The following RAPGEF6 variants were observed in gnomAD, a reference collection of about 807,000 sequenced individuals.
RAPGEF6 encodes Rap guanine nucleotide exchange factor 6.
RAPGEF6 carries 56 observed loss-of-function variants against 171.4 expected under a neutral mutation model. That is an observed-to-expected ratio of 0.33 (90% CI 0.26 to 0.41). The LOEUF is 0.41. RAPGEF6 is among the 10% of genes least tolerant of loss of function. RAPGEF6 has a pLI of 1.00. For synonymous variants in RAPGEF6, 692 were observed against 650.1 expected, an observed-to-expected ratio of 1.06 and a Z score of -0.98; for missense variants, 1,674 against 1,921.4, an observed-to-expected ratio of 0.87 and a Z score of 2.41.
chr5:131,479,806 T>C, intron 15 of RAPGEF6, 53 bp from the exon 16 acceptor site: 2 of 1,563,888 alleles, frequency 1.3e-6, no homozygotes, highest in Non-Finnish European at 1.7e-6. Flanking sequence ...AGAAAATTTT[T>C]ATACCAACAA....
chr5:131,429,353 CA>C, intron 26 of RAPGEF6, 137 bp from the exon 27 acceptor site: 1 of 754,188 alleles, frequency 1.3e-6, no homozygotes, highest in Non-Finnish European at 2.1e-6. Flanking sequence ...GATGGCAGAT[CA>C]AAAACATTTT....
chr5:131,462,028 T>A lies in RAPGEF6; in HGVS notation c.2541A>T (p.Glu847Asp). 6.2e-7 allele frequency: 1 copy of A among 1,612,982 alleles called. No individual in the cohort carries two copies. Among genetic ancestry groups the A allele is most frequent in the Non-Finnish European group, 8.5e-7 (1 of 1,179,472 alleles). Residue 847 changes from glutamate to aspartate, a missense_variant, in exon 19 of 28, where the codon GAA becomes GAT. Transcript: ENST00000509018. Reference protein sequence around the residue: ...ETLCSDEDAQELVKESQLSML... With the variant: ...ETLCSDEDAQDLVKESQLSML... ...TGGATAGCTGGCTTTCCTTAACTAG[T>A]TCTTGAGCATCTTCATCTGAACATA...
chr5:131,603,419 T>C, intron 2 of RAPGEF6, 92 bp from the exon 3 acceptor site: 1 of 847,414 alleles, frequency 1.2e-6, no homozygotes, highest in Non-Finnish European at 1.8e-6. Context: ...ATCTAATTGA[T>C]TGTTAGAAAA....
At chr5:131,532,377 T>C (rs868498918) in intron 6 of RAPGEF6, 94 of 220,914 alleles carry the variant, frequency 4.3e-4, no homozygotes, top group African/African-American at 2.2e-3. Context: ...ATGAAGATGT[T>C]TACAATTCTG....
chr5:131,595,027 C>T (rs1763811463), intron 3 of RAPGEF6, among the ~76,000 whole-genome samples: 1 of 152,020 alleles, frequency 6.6e-6, no homozygotes, highest in Non-Finnish European at 1.5e-5. Flanking sequence ...TGGGGGACTG[C>T]TGGGAAGGCA....
Position 131,504,659 on chromosome 5 carries a change from C to G in RAPGEF6, c.1221G>C (p.Arg407=). The G allele has an allele frequency of 6.2e-7, 1 of 1,612,286 alleles. No homozygotes were observed. Among genetic ancestry groups the G allele is most frequent in the Non-Finnish European group, 8.5e-7 (1 of 1,179,464 alleles). ...VMVHEHRELD[R]SGTRKGHIVI... is the part of the protein sequence containing the mutation. ...CAATGTGTCCTTTCCTGGTTCCACT[C>G]CGGTCTAGTTCCCGATGCTCATGTA... Residue 407 remains arginine (R), a synonymous_variant, in exon 11 of 28, where the codon CGG becomes CGC. Transcript: ENST00000509018.
chr5:131,597,302 ATGG>A, intron 3 of RAPGEF6, among the ~76,000 whole-genome samples: 1 of 151,556 alleles, frequency 6.6e-6, no homozygotes, highest in Non-Finnish European at 1.5e-5. Flanking sequence ...GGAAAACAAT[ATGG>A]AGGTTACTAA....
intron 5 of RAPGEF6, among the ~76,000 whole-genome samples, chr5:131,556,035 G>A (rs1032406889): frequency 6.6e-6 from 1 of 152,082 alleles, no homozygotes; most frequent in Non-Finnish European, 1.5e-5. Context: ...TCTGTGTATC[G>A]AAACACAGAA....
At chr5:131,579,395 C>A (rs1460422900) in intron 4 of RAPGEF6, among the ~76,000 whole-genome samples, 1 of 152,248 alleles carries the variant, frequency 6.6e-6, no homozygotes, top group Non-Finnish European at 1.5e-5. Flanking sequence ...TGCTTTTATT[C>A]CCTTATCTGG....
At position 131,548,023 on chromosome 5, in the gene RAPGEF6, T is replaced by C. The variant is rs188678543; in HGVS notation, c.495+24A>G. On this transcript the variant is annotated intron_variant, in intron 6 of 27. Transcript: ENST00000509018. ...AGATATGAAAATTAAGGAAGATTCA[T>C]GAAGTGTTCCTAAATATACTCACAG... The C allele has an allele frequency of 1.0e-3, 1,668 of 1,606,322 alleles. 8 individuals carry two copies. The highest frequency in any genetic ancestry group is 4.9e-3 in the South Asian group (443 of 90,168).
chr5:131,609,088 T>C (rs969527453), intron 1 of RAPGEF6, among the ~76,000 whole-genome samples: 2 of 152,328 alleles, frequency 1.3e-5, no homozygotes, highest in South Asian at 2.1e-4. Context: ...GCGCCCAGCC[T>C]GCCATGTGAT....
At chr5:131,452,973 T>G (rs1037700063) in intron 21 of RAPGEF6, 81 bp downstream of exon 21, 1 of 1,488,966 alleles carries the variant, frequency 6.7e-7, no homozygotes, top group Admixed American at 2.1e-5. Flanking sequence ...AGAATAAATA[T>G]GATCAATAAA....
chr5:131,585,225 G>C (rs2149996021), intron 4 of RAPGEF6, among the ~76,000 whole-genome samples: 1 of 150,006 alleles, frequency 6.7e-6, no homozygotes, highest in East Asian at 2.0e-4. Flanking sequence ...ATTCCAGGTA[G>C]ACTACAGATT....
intron 5 of RAPGEF6, among the ~76,000 whole-genome samples, chr5:131,551,195 A>T (rs1760900462): frequency 1.3e-5 from 2 of 152,198 alleles, no homozygotes; most frequent in Admixed American, 1.3e-4. Context: ...TTCCTATTGT[A>T]ATAGATGGTA....
At chr5:131,565,120 A>G (rs1761852656) in intron 4 of RAPGEF6, among the ~76,000 whole-genome samples, 1 of 152,188 alleles carries the variant, frequency 6.6e-6, no homozygotes, top group Non-Finnish European at 1.5e-5. Flanking sequence ...CTGTTTATAT[A>G]AAGTGAATTC....
chr5:131,511,505 T>A (rs1054453860), intron 7 of RAPGEF6, among the ~76,000 whole-genome samples: 1 of 151,534 alleles, frequency 6.6e-6, no homozygotes. Context: ...TTTCTTTTTT[T>A]TGAGACAGGT....
chr5:131,627,160 G>A (rs576534659), intron 1 of RAPGEF6, among the ~76,000 whole-genome samples: 61 of 152,310 alleles, frequency 4.0e-4, no homozygotes, highest in African/African-American at 1.4e-3. Flanking sequence ...ACAGCAACTC[G>A]GCCAGCTGCC....
In RAPGEF6 at chr5:131,604,731, A is replaced by G. The variant is rs377464374; in HGVS notation, c.70-38T>C. The G allele has an allele frequency of 2.8e-4, 440 of 1,570,130 alleles. No individual in the cohort carries two copies. In the African/African-American group the frequency reaches 4.8e-3, roughly 17 times the overall value. ...AGAAAAAAATTAGATTATTTTTCAA[A>G]TATGCTGTTTAAAATATAAGGCACC... On this transcript the variant is annotated intron_variant, in intron 1 of 27. Transcript: ENST00000509018.
chr5:131,451,439 AT>A (rs1412230549), intron 21 of RAPGEF6, among the ~76,000 whole-genome samples: 1 of 151,144 alleles, frequency 6.6e-6, no homozygotes, highest in Admixed American at 6.6e-5. Context: ...AAAAAAAAAA[AT>A]TAGCTGGACA....
Sources: allele counts gnomAD v4.1 joint callset (sites outside exome capture counted in the v4.1 genomes callset), GRCh38; gene constraint gnomAD v4.1.1; transcripts MANE v1.5; gene names NCBI Gene and HGNC (gene_info 2026-07-23, HGNC 2026-07-21).